Variants in NINJ2 observed in about 807,000 individuals in gnomAD.
NINJ2 encodes the protein ninjurin 2.
Under a neutral mutation model 11.7 loss-of-function variants are expected in NINJ2, and 12 were observed. The ratio of observed to expected loss-of-function variants is 1.02; its 90% CI spans 0.66 to 1.66. NINJ2 has a LOEUF of 1.66. NINJ2 is among the 40% of genes most tolerant of loss of function. The pLI is 0.00. For missense variants in NINJ2, 187 were observed against 181.8 expected (o/e 1.03, Z -0.16); for synonymous variants, 93 against 76.8 (o/e 1.21, Z -1.10).
intron 1 of NINJ2, among the ~76,000 whole-genome samples, chr12:567,524 T>C (rs1037683004): frequency 6.6e-6 from 1 of 152,176 alleles, no homozygotes; most frequent in Non-Finnish European, 1.5e-5. Flanking sequence ...GGTGGATGGA[T>C]GGATGCGTGG....
chr12:588,163 G>T (rs61919376), intron 1 of NINJ2, among the ~76,000 whole-genome samples: 24 of 143,290 alleles, frequency 1.7e-4, no homozygotes, highest in African/African-American at 5.8e-4. Context: ...AGGAAGGGAA[G>T]GGACGGAAGG....
intron 1 of NINJ2, among the ~76,000 whole-genome samples, chr12:596,092 A>G (rs140677835): frequency 6.6e-6 from 1 of 152,350 alleles, no homozygotes; most frequent in Non-Finnish European, 1.5e-5. Context: ...TTTGGAACAC[A>G]GTTCGGCAAT....
At chr12:584,730 C>T (rs1947608373) in intron 1 of NINJ2, among the ~76,000 whole-genome samples, 3 of 151,432 alleles carry the variant, frequency 2.0e-5, no homozygotes, top group South Asian at 2.1e-4. Flanking sequence ...CACTTGAACC[C>T]GGGAGGTGGA....
At chr12:655,651 G>C (rs1937863009) in intron 1 of NINJ2, among the ~76,000 whole-genome samples, 1 of 152,204 alleles carries the variant, frequency 6.6e-6, no homozygotes, top group African/African-American at 2.4e-5. Flanking sequence ...GGTGGCTCAC[G>C]TCTGTAATCT....
In NINJ2 at chr12:566,086, C is replaced by T. The variant is rs1460317644; in HGVS notation, c.126G>A (p.Leu42=). ...TCAGCCGCATGGCGTTGGACATGAA[C>T]AGGGCCACGTCCAGCATGCTCTCCG... The part of the protein sequence containing the change: ...SVAESMLDVA[L]FMSNAMRLKA... Residue 42 remains leucine (L), a synonymous_variant, in exon 2 of 4, where the codon CTG becomes CTA. Transcript: ENST00000305108. 1 of 1,614,062 alleles carries T rather than the reference C, an allele frequency of 6.2e-7. No homozygotes were observed. The highest frequency in any genetic ancestry group is 1.7e-5 in the Admixed American group (1 of 60,006).
At chr12:596,222 C>T (rs1417685966) in intron 1 of NINJ2, among the ~76,000 whole-genome samples, 1 of 152,212 alleles carries the variant, frequency 6.6e-6, no homozygotes. Context: ...TTTACGGAAG[C>T]TTTATATATA....
intron 1 of NINJ2, among the ~76,000 whole-genome samples, chr12:606,089 C>T (rs1208671199): frequency 6.6e-6 from 1 of 152,136 alleles, no homozygotes; most frequent in Non-Finnish European, 1.5e-5. Context: ...CCAGGCTTGT[C>T]TAGAACTCCT....
intron 1 of NINJ2, among the ~76,000 whole-genome samples, chr12:571,882 A>C (rs1007462076): frequency 6.6e-5 from 10 of 152,222 alleles, no homozygotes; most frequent in African/African-American, 2.4e-4. Flanking sequence ...TAAACCCCAG[A>C]GTGGTAAGTA....
At position 581,780 on chromosome 12, in the gene NINJ2, C is replaced by T. The variant is rs573090776; in HGVS notation, c.34-15602G>A. Among the ~76,000 whole-genome samples, 6 of 152,282 alleles carry T rather than the reference C, an allele frequency of 3.9e-5. No homozygotes were observed. Among genetic ancestry groups the T allele is most frequent in the East Asian group, 1.9e-4 (1 of 5,178 alleles). On this transcript the variant is annotated intron_variant, in intron 1 of 3. Coordinates refer to ENST00000305108, the MANE Select transcript of NINJ2 (RefSeq NM_016533.6). The surrounding 1 kb of genome is among the most constrained non-coding windows in gnomAD (Gnocchi z 4.9). ...GAAAGAGGAGACACCCCTTCCTCCT[C>T]GTGGTGAGAAGCTAGTATCTGGTGA...
At chr12:573,499 A>C (rs1402745560) in intron 1 of NINJ2, among the ~76,000 whole-genome samples, 1 of 152,078 alleles carries the variant, frequency 6.6e-6, no homozygotes, top group Non-Finnish European at 1.5e-5. Flanking sequence ...GAATTGCTTG[A>C]ACCTCAGAGG....
intron 1 of NINJ2, among the ~76,000 whole-genome samples, chr12:647,377 G>A (rs537867387): frequency 1.4e-4 from 22 of 152,316 alleles, no homozygotes; most frequent in African/African-American, 5.1e-4. Context: ...CATAGTGGCT[G>A]TAAATCCCAC....
intron 1 of NINJ2, among the ~76,000 whole-genome samples, chr12:650,661 T>G (rs1303556109): frequency 6.6e-6 from 1 of 152,142 alleles, no homozygotes; most frequent in African/African-American, 2.4e-5. Context: ...TTCGCGCCAC[T>G]GCACTCCAGC....
intron 1 of NINJ2, among the ~76,000 whole-genome samples, 174 bp from the exon 2 acceptor site, chr12:566,352 A>G (rs1374114133): frequency 6.6e-6 from 1 of 152,218 alleles, no homozygotes; most frequent in Non-Finnish European, 1.5e-5. Flanking sequence ...GAGAAAACCC[A>G]TAAGGACCTC....
At chr12:644,433 G>A (rs1026951436) in intron 1 of NINJ2, 1 of 152,134 alleles carries the variant, frequency 6.6e-6, no homozygotes, top group East Asian at 1.9e-4. Context: ...TTACAGATGA[G>A]GAAACAGAGG....
At chr12:594,577 C>T (rs111978688) in intron 1 of NINJ2, among the ~76,000 whole-genome samples, 245 of 151,980 alleles carry the variant, frequency 1.6e-3, no homozygotes, top group African/African-American at 5.1e-3. Flanking sequence ...CACTTGAGTC[C>T]GGGAGTTCAC....
chr12:648,996 GTCTATCTA>G (rs4017978), intron 1 of NINJ2, among the ~76,000 whole-genome samples: 35 of 149,006 alleles, frequency 2.3e-4, no homozygotes, highest in African/African-American at 6.0e-4. Flanking sequence ...CTATCTATCT[GTCTATCTA>G]TCTATCTATC....
At chr12:597,356 G>A (rs1592086390) in intron 1 of NINJ2, among the ~76,000 whole-genome samples, 1 of 152,078 alleles carries the variant, frequency 6.6e-6, no homozygotes, top group Admixed American at 6.6e-5. Flanking sequence ...AAGAGTGTGC[G>A]GCACTCAATA....
At chr12:659,769 A>G (rs962185520) in intron 1 of NINJ2, among the ~76,000 whole-genome samples, 7 of 152,216 alleles carry the variant, frequency 4.6e-5, no homozygotes, top group African/African-American at 1.4e-4. Flanking sequence ...GAGTTTCCCA[A>G]ACTTCAGTTG....
At chr12:650,418 G>A (rs576523544) in intron 1 of NINJ2, among the ~76,000 whole-genome samples, 1 of 152,282 alleles carries the variant, frequency 6.6e-6, no homozygotes, top group South Asian at 2.1e-4. Flanking sequence ...AAAATCTCTT[G>A]GCCAGGCGCG....
Sources: gnomAD v4.1 joint callset for allele counts (sites outside exome capture counted in the v4.1 genomes callset) on GRCh38, gnomAD v4.1.1 for gene constraint, Gnocchi (gnomAD v3.1) non-coding constraint, MANE v1.5 for transcripts, NCBI Gene and HGNC (gene_info 2026-07-23, HGNC 2026-07-21) for gene names.